Variants in ECHDC1 observed in about 807,000 individuals in gnomAD.
ECHDC1 encodes ethylmalonyl-CoA decarboxylase 1, also known as ethylmalonyl-CoA decarboxylase.
In ECHDC1, 29 loss-of-function variants were observed where a neutral mutation model predicts 29.7. The observed-to-expected ratio is 0.98, with a 90% CI of 0.73 to 1.33. The LOEUF (loss-of-function observed/expected upper bound fraction) is 1.33, where lower values mean the gene tolerates loss of function less well. Ranked by LOEUF, ECHDC1 falls within the 40% of genes most tolerant of loss-of-function variation. The pLI is 0.00. For synonymous variants in ECHDC1, 126 were observed against 123.1 expected (o/e 1.02, Z -0.15); for missense variants, 328 against 350.0 (o/e 0.94, Z 0.50).
chr6:127,308,619 A>G (rs891476968), intron 5 of ECHDC1, among the ~76,000 whole-genome samples: 1 of 152,196 alleles, frequency 6.6e-6, no homozygotes. Context: ...TACGTTCACA[A>G]CTGTTATTCA....
At chr6:127,333,009 T>G (rs1224760098) in intron 1 of ECHDC1, among the ~76,000 whole-genome samples, 1 of 152,174 alleles carries the variant, frequency 6.6e-6, no homozygotes, top group African/African-American at 2.4e-5. Flanking sequence ...GACAGGCTGA[T>G]CTCAAGTTCC....
At chr6:127,293,705 A>G (rs1780375608) in intron 5 of ECHDC1, among the ~76,000 whole-genome samples, 2 of 152,196 alleles carry the variant, frequency 1.3e-5, no homozygotes, top group African/African-American at 2.4e-5. Context: ...TGGAAATATA[A>G]AAGTTGTATA....
At chr6:127,324,915 T>G (rs1783179827) in intron 3 of ECHDC1, among the ~76,000 whole-genome samples, 1 of 152,224 alleles carries the variant, frequency 6.6e-6, no homozygotes, top group Non-Finnish European at 1.5e-5. Flanking sequence ...ATAAGAATAA[T>G]GGACTTATAT....
intron 1 of ECHDC1, among the ~76,000 whole-genome samples, chr6:127,340,822 G>A (rs973481268): frequency 1.3e-5 from 2 of 151,972 alleles, no homozygotes; most frequent in Non-Finnish European, 2.9e-5. Context: ...ATAAGGAGGA[G>A]GGACTTATAA....
In ECHDC1 at chr6:127,297,646, G is replaced by A. The variant is rs561444559; in HGVS notation, c.498-7369C>T. The stretch of plus-strand genomic sequence containing the variant: ...CCCTTTTCAGGCATATACATGGTAG[G>A]CTCTGTGGGAACCTGCAAAGGAATG... On this transcript the variant is annotated intron_variant, in intron 5 of 5. Coordinates refer to ENST00000454859, the MANE Select transcript of ECHDC1 (RefSeq NM_001002030.2). Among the ~76,000 whole-genome samples the A allele has an allele frequency of 1.8e-4, 27 of 152,294 alleles. No homozygotes were observed. The East Asian group carries it at 4.0e-3, about 23-fold the overall frequency.
Position 127,314,903 on chromosome 6 carries a change from A to C in ECHDC1, c.417-7T>G. On this transcript the variant is annotated splice_polypyrimidine_tract_variant and splice_region_variant and intron_variant, in intron 4 of 5. Transcript: ENST00000454859. ...AACACTTATTAAAGGAAGTCTGTAT[A>C]TTGAAGAAAAAACTGATGTTACTAT... 1 of 1,609,782 alleles carries C rather than the reference A, an allele frequency of 6.2e-7. No homozygotes were observed. Among genetic ancestry groups the C allele is most frequent in the Non-Finnish European group, 8.5e-7 (1 of 1,177,700 alleles).
intron 5 of ECHDC1, among the ~76,000 whole-genome samples, chr6:127,307,299 A>C (rs1439122215): frequency 2.0e-5 from 3 of 152,214 alleles, no homozygotes; most frequent in Non-Finnish European, 4.4e-5. Flanking sequence ...AGTAGAAGAA[A>C]TACTAAAGAT....
intron 5 of ECHDC1, among the ~76,000 whole-genome samples, chr6:127,306,557 C>G (rs770895766): frequency 3.3e-5 from 5 of 152,164 alleles, no homozygotes; most frequent in African/African-American, 4.8e-5. Context: ...CCCCTTTTCT[C>G]TCTTTCTCCT....
intron 1 of ECHDC1, 69 bp from the exon 2 acceptor site, chr6:127,331,099 A>C: frequency 8.3e-7 from 1 of 1,207,710 alleles, no homozygotes; most frequent in Non-Finnish European, 1.2e-6. Flanking sequence ...ATTATGTGTT[A>C]ATAGGCTGTA....
In ECHDC1 at chr6:127,327,157, G is replaced by GT; in HGVS notation, c.221-14_221-13insA. The GT allele has an allele frequency of 1.2e-6, 2 of 1,609,536 alleles. No homozygotes were observed. Among genetic ancestry groups the GT allele is most frequent in the Non-Finnish European group, 1.7e-6 (2 of 1,178,062 alleles). On this transcript the variant is annotated splice_polypyrimidine_tract_variant and intron_variant, in intron 2 of 5. Coordinates refer to ENST00000454859, the MANE Select transcript of ECHDC1 (RefSeq NM_001002030.2). ...AGCATCATAACACCTGCCAGAGATG[G>GT]AAGTGGGAAATCACAAATATATGAA...
At chr6:127,292,810 G>A (rs1341411171) in intron 5 of ECHDC1, among the ~76,000 whole-genome samples, 1 of 151,922 alleles carries the variant, frequency 6.6e-6, no homozygotes, top group Non-Finnish European at 1.5e-5. Flanking sequence ...ATTATTGCAA[G>A]GGATAATCTA....
chr6:127,339,965 G>A (rs1784780137), intron 1 of ECHDC1, among the ~76,000 whole-genome samples: 1 of 152,084 alleles, frequency 6.6e-6, no homozygotes, highest in African/African-American at 2.4e-5. Context: ...TCCTAGCTGA[G>A]GAATCTCTGC....
At chr6:127,297,852 G>T (rs555780128) in intron 5 of ECHDC1, among the ~76,000 whole-genome samples, 1 of 152,198 alleles carries the variant, frequency 6.6e-6, no homozygotes, top group East Asian at 1.9e-4. Context: ...ACCCACTCAG[G>T]CCCCCTCTCC....
At chr6:127,304,671 G>A (rs1171364293) in intron 5 of ECHDC1, among the ~76,000 whole-genome samples, 1 of 152,130 alleles carries the variant, frequency 6.6e-6, no homozygotes, top group Admixed American at 6.5e-5. Flanking sequence ...GAGGAATTCA[G>A]AATCCTATCA....
At position 127,289,736 on chromosome 6, in the gene ECHDC1, A is replaced by G. The variant is rs1779951759; in HGVS notation, c.*133T>C. The G allele has an allele frequency of 2.1e-6, 2 of 930,312 alleles. No individual in the cohort carries two copies. The highest frequency in any genetic ancestry group is 2.7e-5 in the East Asian group (1 of 37,704). The allele number at this position is 930,312 out of a possible 1,614,324, so 57.6% of individuals were successfully genotyped here. ...TGAGGTAAATGAGTTCAGATATTCA[A>G]ATGATTAAAAGTAAGTCTGCATATT... On this transcript the variant is annotated 3_prime_UTR_variant, in exon 6 of 6. Transcript: ENST00000454859.
At chr6:127,342,761 C>A (rs1562341337) in intron 1 of ECHDC1, 3 of 184,630 alleles carry the variant, frequency 1.6e-5, no homozygotes, top group East Asian at 2.7e-4. Flanking sequence ...TGTTTTTAAT[C>A]CCCTACACGT....
intron 1 of ECHDC1, among the ~76,000 whole-genome samples, chr6:127,339,472 G>GA (rs1007248374): frequency 6.6e-6 from 1 of 151,512 alleles, no homozygotes; most frequent in Non-Finnish European, 1.5e-5. Context: ...TACAAAATAA[G>GA]AAAAAAAGAA....
At chr6:127,312,606 A>G (rs1208267369) in intron 5 of ECHDC1, among the ~76,000 whole-genome samples, 2 of 152,184 alleles carry the variant, frequency 1.3e-5, no homozygotes, top group Non-Finnish European at 2.9e-5. Context: ...ATATGACAAC[A>G]TATGCCCACA....
At chr6:127,306,079 A>G (rs1781416404) in intron 5 of ECHDC1, among the ~76,000 whole-genome samples, 1 of 152,070 alleles carries the variant, frequency 6.6e-6, no homozygotes, top group African/African-American at 2.4e-5. Context: ...CTATAAAGAC[A>G]CACGAAGACT....
Sources: gnomAD v4.1 joint callset for allele counts (sites outside exome capture counted in the v4.1 genomes callset) on GRCh38, gnomAD v4.1.1 for gene constraint, MANE v1.5 for transcripts, NCBI Gene and HGNC (gene_info 2026-07-23, HGNC 2026-07-21) for gene names.